SGMS1: variants seen among roughly 807,000 people sequenced by gnomAD.
The protein encoded by SGMS1 is phosphatidylcholine:ceramide cholinephosphotransferase 1.
A neutral mutation model predicts 46.2 loss-of-function variants in SGMS1; 13 were observed. The ratio of observed to expected loss-of-function variants is 0.28; its 90% CI spans 0.18 to 0.45. SGMS1 has a LOEUF of 0.45. Among genes scored for constraint, SGMS1 ranks in the 20% least tolerant of loss-of-function variants. The pLI, the probability that SGMS1 is intolerant of heterozygous loss-of-function variation, is 1.00. For missense variants in SGMS1, 324 were observed against 519.9 expected, an observed-to-expected ratio of 0.62 and a Z score of 3.66; for synonymous variants, 203 against 187.8, an observed-to-expected ratio of 1.08 and a Z score of -0.66.
chr10:50,569,199 G>A (rs145394173), intron 2 of SGMS1, among the ~76,000 whole-genome samples: 1,928 of 151,036 alleles, frequency 0.013, 46 homozygotes, highest in African/African-American at 0.045. Context: ...AATACCTAAC[G>A]TAGATAACAG....
intron 5 of SGMS1, among the ~76,000 whole-genome samples, chr10:50,450,336 C>T (rs1837090959): frequency 6.6e-6 from 1 of 152,110 alleles, no homozygotes; most frequent in African/African-American, 2.4e-5. Flanking sequence ...GGTTAGCCAT[C>T]CCTAACTGGG....
chr10:50,354,340 A>T (rs1848094187), intron 6 of SGMS1, among the ~76,000 whole-genome samples: 1 of 152,326 alleles, frequency 6.6e-6, no homozygotes, highest in Admixed American at 6.5e-5. Flanking sequence ...AGAAATGGGG[A>T]ATGGATTCCC....
rs373561099 is a variant in SGMS1, at chr10:50,430,823, A to G, written c.-232+2653T>C. The stretch of plus-strand genomic sequence containing the variant: ...TTTGATTATCAATTCCTAAAGTGCA[A>G]TAAGTCTGTCTTATTTGTACTGAAA... On this transcript the variant is annotated intron_variant, in intron 6 of 10. Coordinates refer to ENST00000361781, the MANE Select transcript of SGMS1 (RefSeq NM_147156.4). 2.1e-4 allele frequency among the ~76,000 whole-genome samples: 32 copies of G among 152,272 alleles called. No homozygotes were observed. In the East Asian group the frequency reaches 5.0e-3, roughly 24 times the overall value.
At chr10:50,371,925 C>A (rs1848441146) in intron 6 of SGMS1, among the ~76,000 whole-genome samples, 1 of 152,146 alleles carries the variant, frequency 6.6e-6, no homozygotes, top group African/African-American at 2.4e-5. Flanking sequence ...GAAGGAAGAG[C>A]CCTCCTGTTT....
At chr10:50,314,159 A>C (rs1010574835) in intron 8 of SGMS1, among the ~76,000 whole-genome samples, 1 of 152,134 alleles carries the variant, frequency 6.6e-6, no homozygotes, top group African/African-American at 2.4e-5. Flanking sequence ...TAGAGGCATA[A>C]ATTCTGTCAA....
chr10:50,446,988 C>T (rs1485922709), intron 5 of SGMS1, among the ~76,000 whole-genome samples: 1 of 152,140 alleles, frequency 6.6e-6, no homozygotes, highest in Non-Finnish European at 1.5e-5. Flanking sequence ...GTTTAATTTA[C>T]ACATGTCATT....
chr10:50,331,946 A>C (rs1246708504), intron 7 of SGMS1, among the ~76,000 whole-genome samples: 2 of 152,174 alleles, frequency 1.3e-5, no homozygotes, highest in Non-Finnish European at 2.9e-5. Flanking sequence ...AGAATGCTGT[A>C]ACTCACCCAG....
intron 6 of SGMS1, among the ~76,000 whole-genome samples, chr10:50,345,185 A>T (rs1042017196): frequency 1.9e-4 from 29 of 152,038 alleles, no homozygotes; most frequent in African/African-American, 6.7e-4. Flanking sequence ...AAATAGATAA[A>T]AGATCTACAA....
chr10:50,590,677 A>C (rs1281874236), intron 1 of SGMS1: 1 of 152,192 alleles, frequency 6.6e-6, no homozygotes, highest in Non-Finnish European at 1.5e-5. Context: ...AAAACAAGAA[A>C]ACTTGCTAGA....
At chr10:50,590,560 C>A (rs1838530791) in intron 1 of SGMS1, 2 of 151,908 alleles carry the variant, frequency 1.3e-5, no homozygotes, top group South Asian at 4.2e-4. Flanking sequence ...TTAAAGTGTA[C>A]AAGGTGATGG....
chr10:50,478,080 T>C (rs1347485464), intron 3 of SGMS1, among the ~76,000 whole-genome samples: 3 of 152,184 alleles, frequency 2.0e-5, no homozygotes, highest in African/African-American at 7.2e-5. Context: ...CGTACATCAG[T>C]GGGTAACAAC....
chr10:50,498,150 C>A (rs1837630909), intron 3 of SGMS1, among the ~76,000 whole-genome samples: 1 of 152,082 alleles, frequency 6.6e-6, no homozygotes, highest in South Asian at 2.1e-4. Flanking sequence ...AATGACTTGC[C>A]CACCACCCCT....
chr10:50,503,755 C>T (rs1277339536), intron 3 of SGMS1, among the ~76,000 whole-genome samples: 6 of 152,118 alleles, frequency 3.9e-5, no homozygotes, highest in Admixed American at 6.6e-5. Context: ...TGGCCTTAGA[C>T]GACAAAGGCT....
rs953132954 is a variant in SGMS1 at position 50,603,560 on chromosome 10, TCA to T, written c.-683-13315_-683-13314del. ...ACACACACACACAAAATCCAAGAAA[TCA>T]CAGTCTTGAGATACAGTATCAAAAA... On this transcript the variant is annotated intron_variant, in intron 1 of 10. Transcript: ENST00000361781. 1.2e-4 allele frequency among the ~76,000 whole-genome samples: 18 copies of T among 152,184 alleles called. 1 individual carries two copies. Among genetic ancestry groups the T allele is most frequent in the Admixed American group, 6.5e-4 (10 of 15,282 alleles).
chr10:50,417,941 A>G (rs1380416638), intron 6 of SGMS1: 1 of 152,264 alleles, frequency 6.6e-6, no homozygotes, highest in Non-Finnish European at 1.5e-5. Context: ...AGGATGCAGG[A>G]AAAATAAAGA....
chr10:50,359,542 T>C (rs566915912), intron 6 of SGMS1, among the ~76,000 whole-genome samples: 31 of 152,332 alleles, frequency 2.0e-4, no homozygotes, highest in African/African-American at 7.2e-4. Context: ...TACTGTTTTA[T>C]ACATTTCATG....
intron 3 of SGMS1, among the ~76,000 whole-genome samples, chr10:50,479,563 C>A (rs3011787): frequency 1.3e-5 from 2 of 151,810 alleles, no homozygotes; most frequent in Non-Finnish European, 2.9e-5. Flanking sequence ...CTTTCTGAAC[C>A]GCATTATATT....
At chr10:50,417,119 T>C (rs1378764214) in intron 6 of SGMS1, among the ~76,000 whole-genome samples, 1 of 152,196 alleles carries the variant, frequency 6.6e-6, no homozygotes, top group Non-Finnish European at 1.5e-5. Flanking sequence ...CTGATCATGA[T>C]AACTTCCCTG....
intron 6 of SGMS1, among the ~76,000 whole-genome samples, chr10:50,401,877 A>C (rs77014746): frequency 0.013 from 1,908 of 152,324 alleles, 19 homozygotes; most frequent in East Asian, 0.058. Flanking sequence ...TCCTGCACAA[A>C]ATGTCAAAGA....
Sources: allele counts gnomAD v4.1 joint callset (sites outside exome capture counted in the v4.1 genomes callset), GRCh38; gene constraint gnomAD v4.1.1; transcripts MANE v1.5; gene names NCBI Gene and HGNC (gene_info 2026-07-23, HGNC 2026-07-21).